The following PDE4DIP variants were observed in gnomAD, a reference collection of about 807,000 sequenced individuals.
PDE4DIP encodes the protein phosphodiesterase 4D interacting protein, also known as myomegalin.
PDE4DIP carries 59 observed loss-of-function variants against 221.4 expected under a neutral mutation model. The ratio of observed to expected loss-of-function variants is 0.27; its 90% CI spans 0.22 to 0.33. The LOEUF (loss-of-function observed/expected upper bound fraction) is 0.33, where lower values mean the gene tolerates loss of function less well. Among genes scored for constraint, PDE4DIP ranks in the 10% least tolerant of loss-of-function variants. PDE4DIP has a pLI of 1.00. For synonymous variants in PDE4DIP, 404 were observed against 815.9 expected (o/e 0.50, Z 8.60); for missense variants, 1,036 against 2,154.2 (o/e 0.48, Z 10.28).
intron 5 of PDE4DIP, among the ~76,000 whole-genome samples, chr1:148,942,495 T>G (rs1553480654): frequency 7.0e-6 from 1 of 142,196 alleles, no homozygotes; most frequent in African/African-American, 2.6e-5. Context: ...TTCCAATCCT[T>G]CTTGATGTCC....
chr1:149,022,783 T>A (rs1553621209), intron 37 of PDE4DIP, among the ~76,000 whole-genome samples: 1 of 151,712 alleles, frequency 6.6e-6, no homozygotes, highest in East Asian at 1.9e-4. Flanking sequence ...AAGCATATGA[T>A]GAAAACAGAA....
chr1:148,987,108 T>TA (rs34512789), intron 21 of PDE4DIP, among the ~76,000 whole-genome samples: 1 of 152,188 alleles, frequency 6.6e-6, no homozygotes, highest in Non-Finnish European at 1.5e-5. Flanking sequence ...TCAAGTAACT[T>TA]AAAACAGCTA....
At position 149,010,699 on chromosome 1, in the gene PDE4DIP, A is replaced by C. The variant is rs1553604727; in HGVS notation, c.5080+104A>C. 5.2e-6 allele frequency: 5 copies of C among 955,830 alleles called. No individual in the cohort carries two copies. The East Asian group carries it at 9.6e-5, about 18-fold the overall frequency. The allele number at this position is 955,830 out of a possible 1,614,324, so 59.2% of individuals were successfully genotyped here. A position where few individuals can be genotyped will look rare whatever the true frequency, so the allele number is the denominator to read the frequency against. ...TTTGGACTGTTAGGGGCCTAAATGC[A>C]TCAAAACCTAGACAGAATCGAGAAA... On this transcript the variant is annotated intron_variant, in intron 31 of 43. Coordinates refer to ENST00000369354, the Ensembl canonical transcript of PDE4DIP.
Position 148,948,487 on chromosome 1 carries a change from C to T in PDE4DIP, c.636+10623C>T, listed in dbSNP as rs2052350037. On this transcript the variant is annotated intron_variant, in intron 5 of 43. Transcript: ENST00000369354. ...TCTCCGTCTCAAAAAAAAAAAAAAA[C>T]TCATATGGATAGGCTTAAGTTTTTA... Among the ~76,000 whole-genome samples, 2 of 144,724 alleles carry T rather than the reference C, an allele frequency of 1.4e-5. 1 individual carries two copies. Among genetic ancestry groups the T allele is most frequent in the South Asian group, 4.5e-4 (2 of 4,426 alleles). 94.9% of individuals were successfully genotyped at this position (144,724 alleles called of 152,430 possible). A position where few individuals can be genotyped will look rare whatever the true frequency, so the allele number is the denominator to read the frequency against.
In PDE4DIP at chr1:148,820,943, T is replaced by A. The variant is rs1283212929; in HGVS notation, c.233+12206T>A. ...TCGGCTCACTGCAGGCTCCGCCCCCTGGGGTTCACGCCATTGTCTTGCCTC... is the reference window on the plus strand; with the variant it reads ...TCGGCTCACTGCAGGCTCCGCCCCCAGGGGTTCACGCCATTGTCTTGCCTC... On this transcript the variant is annotated intron_variant, in intron 1 of 45. Transcript: ENST00000524974. Among the ~76,000 whole-genome samples, 2 of 149,532 alleles carry A rather than the reference T, an allele frequency of 1.3e-5. 1 individual carries two copies. The highest frequency in any genetic ancestry group is 3.0e-5 in the Non-Finnish European group (2 of 67,486).
At chr1:148,977,803 G>A in intron 17 of PDE4DIP, 134 bp from the exon 21 acceptor site, 1 of 1,332,488 alleles carries the variant, frequency 7.5e-7, no homozygotes, top group Non-Finnish European at 1.0e-6. Flanking sequence ...ATGGATTATT[G>A]GTTTGATGCT....
chr1:148,821,462 T>C (rs1386587700), intron 1 of PDE4DIP, among the ~76,000 whole-genome samples: 6 of 150,784 alleles, frequency 4.0e-5, no homozygotes, highest in African/African-American at 1.5e-4. Context: ...AGAAAACAAA[T>C]AAATAAATAT....
At chr1:149,015,139 C>G (rs1352825168) in intron 32 of PDE4DIP, among the ~76,000 whole-genome samples, 1 of 152,018 alleles carries the variant, frequency 6.6e-6, no homozygotes, top group Non-Finnish European at 1.5e-5. Flanking sequence ...AGACTCATGA[C>G]AAGACTTCCC....
intron 1 of PDE4DIP, among the ~76,000 whole-genome samples, chr1:148,816,638 TGAAA>T (rs1178287442): frequency 2.5e-3 from 270 of 107,480 alleles, no homozygotes; most frequent in African/African-American, 8.2e-3. Context: ...TCCTTCTGCC[TGAAA>T]GAATTTCTTT....
chr1:149,006,492 C>T (rs587645316), intron 27 of PDE4DIP: 6,588 of 152,172 alleles, frequency 0.043, 212 homozygotes, highest in Non-Finnish European at 0.061. Flanking sequence ...GAAATTCAGG[C>T]ATCAGGTGGT....
chr1:148,933,068 C>G (rs587687164), intron 4 of PDE4DIP, among the ~76,000 whole-genome samples: 1 of 152,232 alleles, frequency 6.6e-6, no homozygotes, highest in African/African-American at 2.4e-5. Flanking sequence ...AAATACATTT[C>G]CGTTGTTTAT....
intron 22 of PDE4DIP, chr1:148,992,973 A>C: frequency 2.2e-6 from 1 of 446,770 alleles, no homozygotes; most frequent in South Asian, 1.0e-4. Flanking sequence ...ACTTGGGGAC[A>C]TGAGTAGTTG....
chr1:148,830,444 T>A lies in PDE4DIP; in HGVS notation c.233+21707T>A, dbSNP rs1165060053. ...TTTCATTCTTTTTTTTTTTTTTTTA[T>A]ACTTTAAGTTCTAGGGTACATGTGC... On this transcript the variant is annotated intron_variant, in intron 1 of 45. Coordinates refer to the PDE4DIP transcript ENST00000524974. Among the ~76,000 whole-genome samples, 2 of 92,918 alleles carry A rather than the reference T, an allele frequency of 2.2e-5. 1 individual carries two copies. Among genetic ancestry groups the A allele is most frequent in the Non-Finnish European group, 4.4e-5 (2 of 44,958 alleles). The allele number at this position is 92,918 out of a possible 152,430, so 61.0% of individuals were successfully genotyped here. A position where few individuals can be genotyped will look rare whatever the true frequency, so the allele number is the denominator to read the frequency against.
chr1:149,009,001 GT>G (rs1366912831), intron 29 of PDE4DIP, among the ~76,000 whole-genome samples: 1 of 152,148 alleles, frequency 6.6e-6, no homozygotes, highest in African/African-American at 2.4e-5. Flanking sequence ...CTCAGAGTCC[GT>G]TGTAGCCACT....
chr1:149,028,933 A>G (rs1467799844), intron 41 of PDE4DIP, among the ~76,000 whole-genome samples: 2 of 152,132 alleles, frequency 1.3e-5, no homozygotes, highest in Non-Finnish European at 2.9e-5. Context: ...TCCCCTGGTT[A>G]AGAAATCAAA....
intron 14 of PDE4DIP, among the ~76,000 whole-genome samples, chr1:148,969,513 G>A (rs2058791845): frequency 6.6e-6 from 1 of 151,934 alleles, no homozygotes; most frequent in African/African-American, 2.4e-5. Context: ...ATTCTAAATT[G>A]TTAAGACTTG....
chr1:148,996,358 G>A (rs2064215001), intron 22 of PDE4DIP, among the ~76,000 whole-genome samples: 1 of 152,218 alleles, frequency 6.6e-6, no homozygotes, highest in Non-Finnish European at 1.5e-5. Flanking sequence ...TAAGGGATGG[G>A]ATTGTAAGCT....
intron 27 of PDE4DIP, chr1:149,006,476 A>G (rs1358598807): frequency 2.0e-5 from 3 of 152,222 alleles, no homozygotes; most frequent in African/African-American, 7.2e-5. Context: ...GTATCGTAAC[A>G]TAGAAGAAAT....
chr1:148,934,549 C>G (rs1373618165), intron 4 of PDE4DIP, among the ~76,000 whole-genome samples: 2 of 152,178 alleles, frequency 1.3e-5, no homozygotes, highest in Non-Finnish European at 2.9e-5. Flanking sequence ...CCACATTCCT[C>G]CTTCTCGTCA....
Sources: gnomAD v4.1 joint callset for allele counts (sites outside exome capture counted in the v4.1 genomes callset) on GRCh38, gnomAD v4.1.1 for gene constraint, MANE v1.5 for transcripts, NCBI Gene and HGNC (gene_info 2026-07-23, HGNC 2026-07-21) for gene names.